Variants in EPSTI1 observed in about 807,000 individuals in gnomAD.
EPSTI1 encodes the protein epithelial stromal interaction 1, also known as epithelial-stromal interaction protein 1.
EPSTI1 carries 66 observed loss-of-function variants against 49.9 expected under a neutral mutation model. That is an observed-to-expected ratio of 1.32 (90% CI 1.08 to 1.62). The LOEUF (loss-of-function observed/expected upper bound fraction) is 1.62, where lower values mean the gene tolerates loss of function less well. Ranked by LOEUF, EPSTI1 falls within the 40% of genes most tolerant of loss-of-function variation. The pLI is 0.00. For synonymous variants in EPSTI1, 137 were observed against 130.7 expected, an observed-to-expected ratio of 1.05 and a Z score of -0.33; for missense variants, 394 against 365.5, an observed-to-expected ratio of 1.08 and a Z score of -0.64.
At chr13:42,918,362 A>AT in intron 7 of EPSTI1, among the ~76,000 whole-genome samples, 1 of 152,114 alleles carries the variant, frequency 6.6e-6, no homozygotes, top group East Asian at 1.9e-4. Context: ...CTTCACATTG[A>AT]TTTGCAGCCC....
chr13:42,948,348 C>G (rs1347695904), intron 6 of EPSTI1, among the ~76,000 whole-genome samples: 6 of 151,796 alleles, frequency 4.0e-5, no homozygotes, highest in African/African-American at 1.5e-4. Flanking sequence ...CCCCAGCTTT[C>G]CTGGGAGGGC....
chr13:42,896,896 G>A (rs376384302), intron 9 of EPSTI1, among the ~76,000 whole-genome samples: 28 of 151,974 alleles, frequency 1.8e-4, no homozygotes, highest in African/African-American at 6.0e-4. Context: ...ACTTGAGGTC[G>A]GGAGACCAGC....
intron 9 of EPSTI1, among the ~76,000 whole-genome samples, chr13:42,898,194 C>T (rs925269211): frequency 6.6e-6 from 1 of 152,212 alleles, no homozygotes; most frequent in African/African-American, 2.4e-5. Context: ...GAGTTTTCTG[C>T]AATGTGAACT....
intron 6 of EPSTI1, among the ~76,000 whole-genome samples, chr13:42,929,219 T>C (rs1233479597): frequency 6.6e-6 from 1 of 152,230 alleles, no homozygotes; most frequent in African/African-American, 2.4e-5. Flanking sequence ...CTGTTGGATG[T>C]AAATAGTCAC....
intron 5 of EPSTI1, among the ~76,000 whole-genome samples, chr13:42,958,827 C>T (rs1021448719): frequency 2.6e-5 from 4 of 151,946 alleles, no homozygotes; most frequent in African/African-American, 9.7e-5. Context: ...TTGTGAAAGA[C>T]CCAGCTGAGA....
Position 42,953,166 on chromosome 13 carries a change from G to A in EPSTI1, c.563+782C>T, listed in dbSNP as rs117767160. 1.4e-4 allele frequency among the ~76,000 whole-genome samples: 21 copies of A among 151,146 alleles called. No homozygotes were observed. In the East Asian group the frequency reaches 3.1e-3, roughly 23 times the overall value. On this transcript the variant is annotated intron_variant, in intron 6 of 10. Coordinates refer to ENST00000313624, the MANE Select transcript of EPSTI1 (RefSeq NM_033255.5). The stretch of plus-strand genomic sequence containing the variant: ...GTAAGAAGGATCATTTCAAGTGCCT[G>A]TAATAGTCAGGCACTTTTATGTCAT...
chr13:42,890,568 G>A (rs756719434), intron 10 of EPSTI1, among the ~76,000 whole-genome samples: 1 of 152,028 alleles, frequency 6.6e-6, no homozygotes, highest in African/African-American at 2.4e-5. Context: ...AATGTGGTGG[G>A]ATTACAGGCG....
At chr13:42,911,875 C>G (rs765900896) in intron 8 of EPSTI1, among the ~76,000 whole-genome samples, 91 of 152,186 alleles carry the variant, frequency 6.0e-4, no homozygotes, top group Non-Finnish European at 1.1e-3. Context: ...AGATCAGATG[C>G]TTAATTCATT....
intron 8 of EPSTI1, among the ~76,000 whole-genome samples, chr13:42,908,716 G>T (rs965141516): frequency 4.6e-5 from 7 of 151,894 alleles, no homozygotes; most frequent in African/African-American, 1.5e-4. Context: ...CATCTAATAG[G>T]GGGTCAGTAT....
chr13:42,958,228 C>G (rs946132931), intron 5 of EPSTI1, among the ~76,000 whole-genome samples: 5 of 152,146 alleles, frequency 3.3e-5, no homozygotes, highest in Non-Finnish European at 1.5e-5. Flanking sequence ...ATCCACACAT[C>G]TCCTGGGGAA....
chr13:42,979,571 G>T (rs9562446), intron 1 of EPSTI1, among the ~76,000 whole-genome samples: 3 of 143,968 alleles, frequency 2.1e-5, no homozygotes, highest in Non-Finnish European at 3.0e-5. Flanking sequence ...GGCGACAGAG[G>T]GAGACTCCGT....
At chr13:42,967,622 AGCCAACAGTGAG>A (rs1470395727) in intron 3 of EPSTI1, among the ~76,000 whole-genome samples, 2 of 152,208 alleles carry the variant, frequency 1.3e-5, no homozygotes, top group Non-Finnish European at 1.5e-5. Context: ...GTCTACCAAG[AGCCAACAGTGAG>A]GCCAAGCCCT....
Position 42,963,279 on chromosome 13 carries a change from T to G in EPSTI1, c.465A>C (p.Lys155Asn). ...CCTTCTCTCTCTGAATTGCCTTCAT[T>G]TTTTGGAGTTCAGCTTCTTCAGCTT... ...KKEAEEAELQ[K>N]MKAIQREKSN... The change falls in exon 5 of 11, where the codon AAA (lysine) becomes AAC (asparagine). Residue 155 changes from lysine to asparagine, a missense_variant. Lys to Asn is a moderately conservative substitution (Grantham distance 94). Coordinates refer to ENST00000313624, the MANE Select transcript of EPSTI1 (RefSeq NM_033255.5). The G allele has an allele frequency of 1.9e-6, 3 of 1,613,820 alleles. No individual in the cohort carries two copies. The highest frequency in any genetic ancestry group is 2.5e-6 in the Non-Finnish European group (3 of 1,179,876).
At chr13:42,939,528 T>C (rs1452449443) in intron 6 of EPSTI1, among the ~76,000 whole-genome samples, 1 of 152,130 alleles carries the variant, frequency 6.6e-6, no homozygotes, top group African/African-American at 2.4e-5. Context: ...AATAGGAAAA[T>C]CCAAAGAGGA....
chr13:42,901,813 T>C (rs2037361350), intron 8 of EPSTI1, among the ~76,000 whole-genome samples: 4 of 152,174 alleles, frequency 2.6e-5, no homozygotes, highest in Admixed American at 2.0e-4. Context: ...ATGTGCACAA[T>C]GTGCAGGTTA....
Position 42,931,212 on chromosome 13 carries a change from T to G in EPSTI1, c.564-4783A>C, listed in dbSNP as rs1007179735. On this transcript the variant is annotated intron_variant, in intron 6 of 10. Transcript: ENST00000313624. Reference sequence around the variant, plus strand: ...ACAGCTTTTTTTTTTTTTTTTTTTTTTTTTGAGACGGAGTCTCGCTCTGTC... The same window carrying G: ...ACAGCTTTTTTTTTTTTTTTTTTTTGTTTTGAGACGGAGTCTCGCTCTGTC... Among the ~76,000 whole-genome samples, 145 of 147,260 alleles carry G rather than the reference T, an allele frequency of 9.8e-4. 1 individual carries two copies. In the East Asian group the frequency reaches 0.017, roughly 17 times the overall value.
At position 42,888,218 on chromosome 13, in the gene EPSTI1, C is replaced by T. The variant is rs762895487; in HGVS notation, c.*276G>A. ...CATCAAGTGACTCCCTCTTTTTCTA[C>T]CCTACCAACATCACTCTAATTATAC... On this transcript the variant is annotated 3_prime_UTR_variant, in exon 11 of 11. Coordinates refer to ENST00000313624, the MANE Select transcript of EPSTI1 (RefSeq NM_033255.5). The T allele has an allele frequency of 5.0e-6, 8 of 1,607,786 alleles. No individual in the cohort carries two copies. The highest frequency in any genetic ancestry group is 2.7e-5 in the African/African-American group (2 of 74,666).
At chr13:42,981,054 G>A (rs1800452684) in intron 1 of EPSTI1, among the ~76,000 whole-genome samples, 5 of 151,994 alleles carry the variant, frequency 3.3e-5, no homozygotes, top group Admixed American at 2.0e-4. Flanking sequence ...TTTTAATGAT[G>A]GTAAACATCT....
chr13:42,975,927 A>AT (rs1464098296), intron 1 of EPSTI1, among the ~76,000 whole-genome samples: 1 of 152,242 alleles, frequency 6.6e-6, no homozygotes, highest in Non-Finnish European at 1.5e-5. Context: ...TGATGGGACC[A>AT]TCGTTGAGAT....
Sources: gnomAD v4.1 joint callset for allele counts (sites outside exome capture counted in the v4.1 genomes callset) on GRCh38, gnomAD v4.1.1 for gene constraint, MANE v1.5 for transcripts, NCBI Gene and HGNC (gene_info 2026-07-23, HGNC 2026-07-21) for gene names.